The following TAB2 variants were observed in gnomAD, a reference collection of about 807,000 sequenced individuals.
The protein encoded by TAB2 is TGF-beta-activated kinase 1 and MAP3K7-binding protein 2.
A neutral mutation model predicts 65.0 loss-of-function variants in TAB2; 3 were observed. That is an observed-to-expected ratio of 0.05 (90% CI 0.02 to 0.12). The LOEUF is 0.12. TAB2 is among the 10% of genes least tolerant of loss of function. TAB2 has a pLI of 1.00. For synonymous variants in TAB2, 298 were observed against 285.1 expected, an observed-to-expected ratio of 1.05 and a Z score of -0.46; for missense variants, 623 against 840.3, an observed-to-expected ratio of 0.74 and a Z score of 3.20.
At chr6:149,238,320 C>T (rs1248776049) in intron 1 of TAB2, among the ~76,000 whole-genome samples, 1 of 152,174 alleles carries the variant, frequency 6.6e-6, no homozygotes, top group African/African-American at 2.4e-5. Flanking sequence ...GCATCTGGCT[C>T]CTCTTCTTCT....
chr6:149,272,030 G>T (rs1223364596), intron 1 of TAB2, among the ~76,000 whole-genome samples: 1 of 151,874 alleles, frequency 6.6e-6, no homozygotes, highest in Non-Finnish European at 1.5e-5. Flanking sequence ...AGTGAAGTAA[G>T]AGGAAGTCAT....
intron 6 of TAB2, among the ~76,000 whole-genome samples, chr6:149,405,047 A>C (rs962154041): frequency 1.1e-4 from 16 of 152,368 alleles, no homozygotes; most frequent in African/African-American, 3.4e-4. Flanking sequence ...ATGTATAAGG[A>C]ACTCATGCAA....
intron 1 of TAB2, among the ~76,000 whole-genome samples, chr6:149,355,878 T>G (rs1055949155): frequency 2.6e-5 from 4 of 152,000 alleles, no homozygotes; most frequent in Non-Finnish European, 5.9e-5. Flanking sequence ...ACCCAAAGAT[T>G]AACAGTGCAT....
At chr6:149,397,378 T>A (rs1782207255) in intron 3 of TAB2, among the ~76,000 whole-genome samples, 1 of 151,918 alleles carries the variant, frequency 6.6e-6, no homozygotes, top group Non-Finnish European at 1.5e-5. Flanking sequence ...GAGGCAGAGG[T>A]TGCACTGAGC....
chr6:149,284,097 C>T (rs1228401885), intron 1 of TAB2, among the ~76,000 whole-genome samples: 2 of 152,166 alleles, frequency 1.3e-5, no homozygotes, highest in Non-Finnish European at 2.9e-5. Context: ...ATTTAGTAGA[C>T]TCCTATGGCC....
At chr6:149,400,245 G>A (rs367925523) in intron 6 of TAB2, 3 of 837,468 alleles carry the variant, frequency 3.6e-6, no homozygotes, top group East Asian at 2.7e-5. Context: ...CACAGCGGGA[G>A]GGGAGGGAGC....
intron 6 of TAB2, among the ~76,000 whole-genome samples, chr6:149,403,308 A>G (rs1437617819): frequency 2.9e-5 from 2 of 69,626 alleles, no homozygotes; most frequent in Non-Finnish European, 5.9e-5. Context: ...ATATATATAT[A>G]TATATACACA....
intron 1 of TAB2, among the ~76,000 whole-genome samples, chr6:149,345,772 A>T (rs765009950): frequency 6.6e-6 from 1 of 152,206 alleles, no homozygotes; most frequent in Admixed American, 6.5e-5. Flanking sequence ...AATATAATGC[A>T]TCTTTTGTGT....
intron 1 of TAB2, among the ~76,000 whole-genome samples, chr6:149,268,468 A>G (rs1778302885): frequency 6.6e-6 from 1 of 152,220 alleles, no homozygotes; most frequent in Non-Finnish European, 1.5e-5. Context: ...CATGAACCAC[A>G]TTTATAGAGA....
intron 1 of TAB2, among the ~76,000 whole-genome samples, chr6:149,241,261 C>G (rs991584455): frequency 6.6e-6 from 1 of 152,138 alleles, no homozygotes; most frequent in Non-Finnish European, 1.5e-5. Context: ...CAGACTAAAA[C>G]AATAGATTTT....
chr6:149,233,647 T>G (rs1460780109), intron 1 of TAB2, among the ~76,000 whole-genome samples: 1 of 152,158 alleles, frequency 6.6e-6, no homozygotes, highest in Non-Finnish European at 1.5e-5. Context: ...CCTAGGAAGG[T>G]TTTCTCCAAT....
upstream of TAB2, among the ~76,000 whole-genome samples, chr6:149,315,897 A>G (rs1779240255): frequency 6.6e-6 from 1 of 152,182 alleles, no homozygotes; most frequent in South Asian, 2.1e-4. Flanking sequence ...ATAAAGCATT[A>G]TATTTCTATT....
chr6:149,274,599 T>C (rs1232767982), intron 1 of TAB2, among the ~76,000 whole-genome samples: 1 of 152,170 alleles, frequency 6.6e-6, no homozygotes, highest in Admixed American at 6.6e-5. Context: ...AAAGGCTAAG[T>C]TCTTTAAAGA....
At chr6:149,390,169 A>G (rs1379100272) in intron 3 of TAB2, among the ~76,000 whole-genome samples, 5 of 152,224 alleles carry the variant, frequency 3.3e-5, no homozygotes, top group East Asian at 1.9e-4. Flanking sequence ...CCTGTTGTCA[A>G]CAAAGTTACA....
intron 1 of TAB2, among the ~76,000 whole-genome samples, chr6:149,312,141 T>G (rs1012676033): frequency 1.3e-5 from 2 of 152,252 alleles, no homozygotes; most frequent in Admixed American, 1.3e-4. Flanking sequence ...ACTGTTAGTA[T>G]TCTCTGAAAT....
chr6:149,291,950 A>G (rs191833563), intron 1 of TAB2, among the ~76,000 whole-genome samples: 20 of 152,362 alleles, frequency 1.3e-4, no homozygotes, highest in African/African-American at 4.6e-4. Flanking sequence ...GTTGCTGGTC[A>G]TATAAATAGT....
intron 1 of TAB2, among the ~76,000 whole-genome samples, chr6:149,267,713 T>C (rs1010797707): frequency 2.6e-5 from 4 of 152,050 alleles, no homozygotes; most frequent in African/African-American, 9.7e-5. Flanking sequence ...ACCTAGATGA[T>C]ATAGCCTACT....
chr6:149,331,433 A>G (rs1448393148), intron 1 of TAB2, among the ~76,000 whole-genome samples: 2 of 152,114 alleles, frequency 1.3e-5, no homozygotes, highest in Non-Finnish European at 2.9e-5. Flanking sequence ...TTGCTAAATT[A>G]TCAGTTTTAG....
chr6:149,391,117 T>TC (rs1286410617), intron 3 of TAB2, among the ~76,000 whole-genome samples: 2 of 152,200 alleles, frequency 1.3e-5, no homozygotes, highest in Non-Finnish European at 2.9e-5. Flanking sequence ...TATCTGGAAA[T>TC]CCCCTCATAT....
Sources: allele counts gnomAD v4.1 joint callset (sites outside exome capture counted in the v4.1 genomes callset), GRCh38; gene constraint gnomAD v4.1.1; transcripts MANE v1.5; gene names NCBI Gene and HGNC (gene_info 2026-07-23, HGNC 2026-07-21).